Variants in COG4 observed in about 807,000 individuals in gnomAD.
COG4 encodes the protein conserved oligomeric Golgi complex subunit 4.
In COG4, 65 loss-of-function variants were observed where a neutral mutation model predicts 95.1. The observed-to-expected ratio is 0.68, with a 90% CI of 0.56 to 0.84. The LOEUF (loss-of-function observed/expected upper bound fraction) is 0.84, where lower values mean the gene tolerates loss of function less well. COG4 is among the 40% of genes least tolerant of loss of function. The pLI is 0.00. For synonymous variants in COG4, 421 were observed against 374.8 expected (o/e 1.12, Z -1.42); for missense variants, 1,045 against 989.1 (o/e 1.06, Z -0.76).
chr16:70,482,337 A>T, intron 15 of COG4, 162 bp from the exon 16 acceptor site: 1 of 697,738 alleles, frequency 1.4e-6, no homozygotes, highest in Non-Finnish European at 2.6e-6. Context: ...AGGCTGGCAG[A>T]AACTGACCAG....
rs1265333335 is a variant in COG4, at chr16:70,506,604, A to AC, written c.1061+1801_1061+1802insG. ...GAGCGAGACTGCCTCAAAAAAAAAA[A>AC]AAAAAAAAAAAAACAAAAAAAAAAA... On this transcript the variant is annotated intron_variant, in intron 8 of 18. Coordinates refer to ENST00000323786, the MANE Select transcript of COG4 (RefSeq NM_015386.3). 1.1e-4 allele frequency among the ~76,000 whole-genome samples: 13 copies of AC among 115,448 alleles called. 1 individual carries two copies. Among genetic ancestry groups the AC allele is most frequent in the South Asian group, 8.7e-4 (3 of 3,466 alleles). The allele number at this position is 115,448 out of a possible 152,430, so 75.7% of individuals were successfully genotyped here.
At position 70,497,272 on chromosome 16, in the gene COG4, C is replaced by G; in HGVS notation, c.1430G>C (p.Cys477Ser). Residue 477 changes from cysteine to serine, a missense_variant, in exon 11 of 19, where the codon TGT becomes TCT. Coordinates refer to ENST00000323786, the MANE Select transcript of COG4 (RefSeq NM_015386.3). The part of the protein sequence containing the change: ...GRALSSSSID[C>S]LCAMINLATT... ...GGCGAGGTTGATCATGGCACAGAGACAGTCAATGCTGGAGCTGGACAGAGC... is the reference window on the plus strand; with the variant it reads ...GGCGAGGTTGATCATGGCACAGAGAGAGTCAATGCTGGAGCTGGACAGAGC... 2 of 1,614,174 alleles carry G rather than the reference C, an allele frequency of 1.2e-6. No homozygotes were observed. The highest frequency in any genetic ancestry group is 8.5e-7 in the Non-Finnish European group (1 of 1,180,044).
At chr16:70,517,906 A>G (rs1023798512) in intron 2 of COG4, among the ~76,000 whole-genome samples, 166 bp from the exon 3 acceptor site, 12 of 151,808 alleles carry the variant, frequency 7.9e-5, no homozygotes, top group African/African-American at 2.7e-4. Flanking sequence ...TTGACTGTAA[A>G]CTCAGACCTA....
rs762547866 is a variant in COG4 at position 70,481,894 on chromosome 16, G to A, written c.2005-29C>T. The A allele has an allele frequency of 4.4e-6, 7 of 1,585,878 alleles. 1 individual carries two copies. The highest frequency in any genetic ancestry group is 4.0e-5 in the African/African-American group (3 of 74,280). On this transcript the variant is annotated intron_variant, in intron 16 of 18. Coordinates refer to ENST00000323786, the MANE Select transcript of COG4 (RefSeq NM_015386.3). ...CACACAGAGGGTTGACATCAGCCGA[G>A]CCCCACCTAACTCCTCTGCCTCTAT...
At chr16:70,481,924 G>T in intron 16 of COG4, 59 bp from the exon 17 acceptor site, 1 of 1,501,516 alleles carries the variant, frequency 6.7e-7, no homozygotes, top group South Asian at 1.1e-5. Flanking sequence ...CTCTATGCTG[G>T]AGTCTTAGGT....
intron 15 of COG4, 132 bp from the exon 16 acceptor site, chr16:70,482,307 T>A: frequency 1.4e-6 from 1 of 732,252 alleles, no homozygotes; most frequent in Non-Finnish European, 2.4e-6. Flanking sequence ...TCATCTAGTT[T>A]AAAACCAGCT....
At chr16:70,496,495 C>T in intron 11 of COG4, 64 bp from the exon 12 acceptor site, 1 of 1,514,338 alleles carries the variant, frequency 6.6e-7, no homozygotes. Flanking sequence ...ACAGAAGGGC[C>T]AGTCTTCACC....
chr16:70,505,156 T>A (rs1267299625), intron 8 of COG4, among the ~76,000 whole-genome samples: 6 of 151,642 alleles, frequency 4.0e-5, no homozygotes, highest in African/African-American at 1.5e-4. Context: ...GTGTACTCAG[T>A]AAAACTTTGG....
At position 70,500,365 on chromosome 16, in the gene COG4, C is replaced by CTTTTTTTTTTTTTTT. The variant is rs68141616; in HGVS notation, c.1195+578_1195+592dup. Reference sequence around the variant, plus strand: ...AGAGGATTCCTGTACATTATATACTCTTTTTTTTTTTTTTTTTTTTTGAGA... The same window carrying CTTTTTTTTTTTTTTT: ...AGAGGATTCCTGTACATTATATACTCTTTTTTTTTTTTTTTTTTTTTTTTTTTTTTTTTTTTGAGA... On this transcript the variant is annotated intron_variant, in intron 9 of 18. Coordinates refer to ENST00000323786, the MANE Select transcript of COG4 (RefSeq NM_015386.3). Among the ~76,000 whole-genome samples, 3 of 96,174 alleles carry CTTTTTTTTTTTTTTT rather than the reference C, an allele frequency of 3.1e-5. 1 individual carries two copies. The highest frequency in any genetic ancestry group is 1.5e-4 in the African/African-American group (3 of 19,988). The allele number at this position is 96,174 out of a possible 152,430, so 63.1% of individuals were successfully genotyped here. A position where few individuals can be genotyped will look rare whatever the true frequency, so the allele number is the denominator to read the frequency against.
chr16:70,482,647 G>A (rs2049021641), intron 15 of COG4, 82 bp downstream of exon 15: 1 of 1,139,430 alleles, frequency 8.8e-7, no homozygotes, highest in African/African-American at 1.5e-5. Flanking sequence ...GGTCTAGTCT[G>A]TTCAGATGGC....
intron 8 of COG4, among the ~76,000 whole-genome samples, chr16:70,505,695 G>A (rs2049550286): frequency 6.6e-6 from 1 of 151,514 alleles, no homozygotes; most frequent in Non-Finnish European, 1.5e-5. Context: ...CGGGCGTGGT[G>A]GCAGACGCCT....
At position 70,518,036 on chromosome 16, in the gene COG4, T is replaced by G. The variant is rs529838728; in HGVS notation, c.255-296A>C. 3.9e-5 allele frequency among the ~76,000 whole-genome samples: 6 copies of G among 152,186 alleles called. No individual in the cohort carries two copies. The South Asian group carries it at 1.2e-3, about 32-fold the overall frequency. Reference sequence around the variant, plus strand: ...ACCTCCGCCTCCCGGGTTCAAGCGATTCTCCTGCCTCAGCCTCCTGAGTAG... The same window carrying G: ...ACCTCCGCCTCCCGGGTTCAAGCGAGTCTCCTGCCTCAGCCTCCTGAGTAG... On this transcript the variant is annotated intron_variant, in intron 2 of 18. Coordinates refer to ENST00000323786, the MANE Select transcript of COG4 (RefSeq NM_015386.3).
chr16:70,521,732 C>T, intron 1 of COG4, among the ~76,000 whole-genome samples: 1 of 144,174 alleles, frequency 6.9e-6, no homozygotes, highest in Non-Finnish European at 1.5e-5. Flanking sequence ...GACAGAGTCT[C>T]ACTCTGTCGC....
rs1259651306 is a variant in COG4 at position 70,500,850 on chromosome 16, G to C, written c.1195+108C>G. ...TCAATTTGCCTACAGACCACCAGGGGCTAATAAGTTCCAATTGTTTCCTTA... is the reference window on the plus strand; with the variant it reads ...TCAATTTGCCTACAGACCACCAGGGCCTAATAAGTTCCAATTGTTTCCTTA... On this transcript the variant is annotated intron_variant, in intron 9 of 18. Transcript: ENST00000323786. 5.2e-6 allele frequency: 7 copies of C among 1,354,910 alleles called. No individual in the cohort carries two copies. The South Asian group carries it at 7.1e-5, about 14-fold the overall frequency. 83.9% of individuals were successfully genotyped at this position (1,354,910 alleles called of 1,614,324 possible).
intron 7 of COG4, 183 bp from the exon 8 acceptor site, chr16:70,508,647 G>C: frequency 1.4e-6 from 1 of 691,710 alleles, no homozygotes; most frequent in Non-Finnish European, 2.6e-6. Context: ...TTTTTGGGTT[G>C]GATGCTAATA....
At chr16:70,486,556 C>T (rs1022703706) in intron 13 of COG4, among the ~76,000 whole-genome samples, 4 of 152,160 alleles carry the variant, frequency 2.6e-5, no homozygotes, top group Non-Finnish European at 4.4e-5. Context: ...CTGGGATTTA[C>T]GGGAATAGGT....
At chr16:70,500,365 C>CTTTTTTTTTTTTT (rs68141616) in intron 9 of COG4, among the ~76,000 whole-genome samples, 1 of 96,174 alleles carries the variant, frequency 1.0e-5, no homozygotes, top group African/African-American at 5.0e-5. Context: ...ATTATATACT[C>CTTTTTTTTTTTTT]TTTTTTTTTT....
intron 12 of COG4, among the ~76,000 whole-genome samples, chr16:70,491,867 T>G (rs2049252453): frequency 6.8e-6 from 1 of 147,498 alleles, no homozygotes; most frequent in African/African-American, 2.5e-5. Context: ...TTCACGAAGG[T>G]CTGACAGCAA....
intron 8 of COG4, among the ~76,000 whole-genome samples, chr16:70,507,217 T>C (rs1418430693): frequency 6.6e-6 from 1 of 151,876 alleles, no homozygotes; most frequent in Non-Finnish European, 1.5e-5. Flanking sequence ...CAGTCTGGCC[T>C]GGGCAACAAA....
Sources: gnomAD v4.1 joint callset for allele counts (sites outside exome capture counted in the v4.1 genomes callset) on GRCh38, gnomAD v4.1.1 for gene constraint, MANE v1.5 for transcripts, NCBI Gene and HGNC (gene_info 2026-07-23, HGNC 2026-07-21) for gene names.